Variants in C12orf42 observed in about 807,000 individuals in gnomAD.
C12orf42 encodes uncharacterized protein C12orf42.
Under a neutral mutation model 21.6 loss-of-function variants are expected in C12orf42, and 25 were observed. That is an observed-to-expected ratio of 1.16 (90% CI 0.84 to 1.62). C12orf42 has a LOEUF of 1.62. Among genes scored for constraint, C12orf42 ranks in the 40% most tolerant of loss-of-function variants. The pLI is 0.00. For synonymous variants in C12orf42, 174 were observed against 175.0 expected (o/e 0.99, Z 0.05); for missense variants, 483 against 459.3 (o/e 1.05, Z -0.47).
At chr12:103,421,686 A>G (rs1368995698) in intron 2 of C12orf42, among the ~76,000 whole-genome samples, 1 of 152,176 alleles carries the variant, frequency 6.6e-6, no homozygotes, top group Non-Finnish European at 1.5e-5. Context: ...ATATTCCAGT[A>G]TAGTAGTAGT....
chr12:103,510,147 G>A, the C12orf42 span, among the ~76,000 whole-genome samples: 12 of 152,218 alleles, frequency 7.9e-5, no homozygotes, highest in East Asian at 3.9e-4. Flanking sequence ...ATTGTGGTGC[G>A]TATATATACA....
At chr12:103,288,048 CTAAT>C (rs2036583301) in intron 4 of C12orf42, among the ~76,000 whole-genome samples, 1 of 152,166 alleles carries the variant, frequency 6.6e-6, no homozygotes, top group Admixed American at 6.6e-5. Flanking sequence ...TTTGTTCAAC[CTAAT>C]TTGTGAGTAA....
chr12:103,302,037 CCTTT>C lies in C12orf42; in HGVS notation c.*67_*70del. ...CTGTGGAAACCAGTACATCTGAGGCCCTTTCTGTTGTTCTGAGCAGGCATTGATT... is the reference window on the plus strand; with the variant it reads ...CTGTGGAAACCAGTACATCTGAGGCCCTGTTGTTCTGAGCAGGCATTGATT... On this transcript the variant is annotated 3_prime_UTR_variant, in exon 6 of 6. Coordinates refer to ENST00000548883, the MANE Select transcript of C12orf42 (RefSeq NM_198521.5). The C allele has an allele frequency of 1.4e-6, 2 of 1,469,616 alleles. No homozygotes were observed. The highest frequency in any genetic ancestry group is 1.8e-6 in the Non-Finnish European group (2 of 1,081,484). The allele number at this position is 1,469,616 out of a possible 1,614,324, so 91.0% of individuals were successfully genotyped here.
chr12:103,232,040 T>G, the C12orf42 span, among the ~76,000 whole-genome samples: 6 of 152,216 alleles, frequency 3.9e-5, no homozygotes, highest in African/African-American at 1.4e-4. Context: ...TGTTTTAATC[T>G]GAATTTCTCT....
chr12:103,343,076 T>G (rs1468752542), intron 4 of C12orf42, among the ~76,000 whole-genome samples: 1 of 152,202 alleles, frequency 6.6e-6, no homozygotes, highest in Non-Finnish European at 1.5e-5. Context: ...ATATCAATAT[T>G]TGCTGCCAAT....
chr12:103,350,828 T>C (rs1166579440), intron 4 of C12orf42, among the ~76,000 whole-genome samples: 6 of 152,172 alleles, frequency 3.9e-5, no homozygotes, highest in African/African-American at 1.4e-4. Flanking sequence ...ATCTAATCTG[T>C]CTGAATACCT....
chr12:103,172,867 G>A, the C12orf42 span, among the ~76,000 whole-genome samples: 21 of 152,174 alleles, frequency 1.4e-4, no homozygotes, highest in Middle Eastern at 3.4e-3. Context: ...TCTTGAACTC[G>A]TACCCTAGGA....
chr12:103,105,089 G>A, the C12orf42 span, among the ~76,000 whole-genome samples: 1 of 152,018 alleles, frequency 6.6e-6, no homozygotes, highest in Non-Finnish European at 1.5e-5. Flanking sequence ...AAATCTCTGG[G>A]CCAACCACCA....
At chr12:103,395,056 C>G (rs2047398890) in intron 3 of C12orf42, among the ~76,000 whole-genome samples, 1 of 152,226 alleles carries the variant, frequency 6.6e-6, no homozygotes, top group Non-Finnish European at 1.5e-5. Flanking sequence ...CAGCATCCTG[C>G]TGGGAGCTAA....
chr12:103,067,283 A>G, the C12orf42 span, among the ~76,000 whole-genome samples: 1 of 152,180 alleles, frequency 6.6e-6, no homozygotes, highest in Non-Finnish European at 1.5e-5. Context: ...ATCCACTGTC[A>G]TGGTATTCCA....
the C12orf42 span, among the ~76,000 whole-genome samples, chr12:103,232,463 CTT>C: frequency 0.18 from 27,937 of 152,002 alleles, 2,641 homozygotes; most frequent in East Asian, 0.35. Flanking sequence ...AATCCCAGCA[CTT>C]TGGGAGGCCG....
At chr12:103,294,117 C>T (rs566530939) in intron 4 of C12orf42, among the ~76,000 whole-genome samples, 116 of 152,114 alleles carry the variant, frequency 7.6e-4, no homozygotes, top group Admixed American at 2.1e-3. Context: ...TAGTAGACAA[C>T]CCCAGCACCA....
At chr12:103,180,314 T>C in the C12orf42 span, among the ~76,000 whole-genome samples, 11 of 151,982 alleles carry the variant, frequency 7.2e-5, no homozygotes, top group Non-Finnish European at 1.3e-4. Flanking sequence ...GAAAAAAACA[T>C]GTCTGAAAAT....
intron 5 of C12orf42, among the ~76,000 whole-genome samples, chr12:103,274,952 C>T (rs2035679004): frequency 6.6e-6 from 1 of 152,060 alleles, no homozygotes; most frequent in African/African-American, 2.4e-5. Flanking sequence ...GTTCTATCCA[C>T]ATTTGGCAAT....
chr12:103,325,875 T>C (rs2040634939), intron 4 of C12orf42, among the ~76,000 whole-genome samples: 2 of 152,138 alleles, frequency 1.3e-5, no homozygotes, highest in African/African-American at 4.8e-5. Context: ...AGAATGAGCA[T>C]GCTTCCTGTG....
chr12:103,161,407 T>A, the C12orf42 span: 1 of 152,174 alleles, frequency 6.6e-6, no homozygotes, highest in Admixed American at 6.5e-5. Context: ...AAATACATTT[T>A]AAAAAATTAC....
chr12:103,446,230 A>AT (rs1426566919), intron 2 of C12orf42, among the ~76,000 whole-genome samples: 30 of 152,106 alleles, frequency 2.0e-4, no homozygotes, highest in African/African-American at 7.0e-4. Context: ...AAACAAAGCA[A>AT]TTATCAGCAA....
intron 3 of C12orf42, among the ~76,000 whole-genome samples, chr12:103,389,648 A>C (rs1187749848): frequency 6.6e-6 from 1 of 152,166 alleles, no homozygotes; most frequent in Non-Finnish European, 1.5e-5. Flanking sequence ...CCTTCTTCCC[A>C]GTATTTGATA....
chr12:103,364,134 A>G (rs756415469), intron 4 of C12orf42, among the ~76,000 whole-genome samples: 1 of 152,138 alleles, frequency 6.6e-6, no homozygotes, highest in Non-Finnish European at 1.5e-5. Flanking sequence ...AGTTGACATT[A>G]TATCAAGTAC....
Sources: gnomAD v4.1 joint callset for allele counts (sites outside exome capture counted in the v4.1 genomes callset) on GRCh38, gnomAD v4.1.1 for gene constraint, MANE v1.5 for transcripts, NCBI Gene and HGNC (gene_info 2026-07-23, HGNC 2026-07-21) for gene names.